PDZRN3: variants seen among roughly 807,000 people sequenced by gnomAD.
PDZRN3 encodes the protein PDZ domain containing ring finger 3.
PDZRN3 carries 38 observed loss-of-function variants against 85.7 expected under a neutral mutation model. That is an observed-to-expected ratio of 0.44 (90% CI 0.34 to 0.58). PDZRN3 has a LOEUF of 0.58. Among genes scored for constraint, PDZRN3 ranks in the 20% least tolerant of loss-of-function variants. The pLI, the probability that PDZRN3 is intolerant of heterozygous loss-of-function variation, is 0.01. For missense variants in PDZRN3, 1,629 were observed against 1,506.4 expected, an observed-to-expected ratio of 1.08 and a Z score of -1.35; for synonymous variants, 759 against 638.0, an observed-to-expected ratio of 1.19 and a Z score of -2.86.
intron 3 of PDZRN3, among the ~76,000 whole-genome samples, chr3:73,555,143 G>A (rs576360049): frequency 6.6e-6 from 1 of 152,256 alleles, no homozygotes; most frequent in South Asian, 2.1e-4. Flanking sequence ...ATCAGAGCCA[G>A]TAATTTTTTT....
chr3:73,542,811 ACT>A (rs1701313455), intron 3 of PDZRN3, among the ~76,000 whole-genome samples: 1 of 151,842 alleles, frequency 6.6e-6, no homozygotes, highest in South Asian at 2.1e-4. Flanking sequence ...AATAAAAAAG[ACT>A]CTCTTGCTGA....
chr3:73,471,725 C>T (rs748325524), intron 3 of PDZRN3, among the ~76,000 whole-genome samples: 3 of 152,250 alleles, frequency 2.0e-5, no homozygotes, highest in Non-Finnish European at 4.4e-5. Flanking sequence ...AGTCCACATC[C>T]TGAAGGCTTG....
chr3:73,584,489 GTGTGTGTGTGTA>G (rs1222516064), intron 3 of PDZRN3, among the ~76,000 whole-genome samples: 3,465 of 24,716 alleles, frequency 0.14, 157 homozygotes, highest in African/African-American at 0.21. Flanking sequence ...GTGTGTGTGT[GTGTGTGTGTGTA>G]TGCATATGCG....
At chr3:73,412,633 G>A (rs1359996272) in intron 3 of PDZRN3, among the ~76,000 whole-genome samples, 1 of 152,218 alleles carries the variant, frequency 6.6e-6, no homozygotes, top group Non-Finnish European at 1.5e-5. Flanking sequence ...TGTAGCACTT[G>A]TGAGCTGTGC....
At chr3:73,582,688 T>C (rs116783839) in intron 3 of PDZRN3, among the ~76,000 whole-genome samples, 1,643 of 152,214 alleles carry the variant, frequency 0.011, 44 homozygotes, top group African/African-American at 0.037. Flanking sequence ...GAGCCAGATA[T>C]GGATTTGGAT....
intron 3 of PDZRN3, among the ~76,000 whole-genome samples, chr3:73,481,347 C>CT (rs1287827472): frequency 6.6e-6 from 1 of 152,134 alleles, no homozygotes; most frequent in Non-Finnish European, 1.5e-5. Context: ...GGGCAGGATT[C>CT]TTTTTTTCTT....
chr3:73,563,180 G>A (rs1470222850), intron 3 of PDZRN3, among the ~76,000 whole-genome samples: 3 of 149,646 alleles, frequency 2.0e-5, no homozygotes, highest in Non-Finnish European at 4.4e-5. Context: ...CACCACGCCC[G>A]GCTATTTTTT....
At chr3:73,539,541 T>C (rs1704865984) in intron 3 of PDZRN3, among the ~76,000 whole-genome samples, 1 of 152,110 alleles carries the variant, frequency 6.6e-6, no homozygotes, top group Non-Finnish European at 1.5e-5. Flanking sequence ...CTTGCCCTTC[T>C]GATGCTCTGA....
chr3:73,470,282 T>C (rs1559696341), intron 3 of PDZRN3, among the ~76,000 whole-genome samples: 1 of 152,198 alleles, frequency 6.6e-6, no homozygotes, highest in African/African-American at 2.4e-5. Context: ...AAATTAAATA[T>C]AGTAAGTGAA....
At chr3:73,590,275 A>AAAG (rs1033065762) in intron 3 of PDZRN3, among the ~76,000 whole-genome samples, 3 of 151,448 alleles carry the variant, frequency 2.0e-5, no homozygotes, top group Admixed American at 2.0e-4. Flanking sequence ...TCTCAAAAAA[A>AAAG]AAAAAAAAAA....
intron 3 of PDZRN3, among the ~76,000 whole-genome samples, chr3:73,465,739 G>C (rs191823163): frequency 8.5e-5 from 13 of 152,328 alleles, no homozygotes; most frequent in Admixed American, 1.3e-4. Flanking sequence ...AAAGGGGTCA[G>C]CCTAAAAAAA....
At chr3:73,467,058 C>T (rs1422929268) in intron 3 of PDZRN3, among the ~76,000 whole-genome samples, 5 of 152,166 alleles carry the variant, frequency 3.3e-5, no homozygotes, top group African/African-American at 1.2e-4. Flanking sequence ...AATCTAGGGA[C>T]TGTCATCAGA....
At chr3:73,564,635 C>T (rs141941923) in intron 3 of PDZRN3, among the ~76,000 whole-genome samples, 89 of 152,310 alleles carry the variant, frequency 5.8e-4, no homozygotes, top group Non-Finnish European at 8.5e-4. Flanking sequence ...CCAGGTCATT[C>T]CTGGTACCAC....
chr3:73,398,576 T>C (rs550164498), intron 5 of PDZRN3, among the ~76,000 whole-genome samples: 1 of 152,040 alleles, frequency 6.6e-6, no homozygotes, highest in Admixed American at 6.6e-5. Context: ...AACAACAGGG[T>C]TCTAGGGAAC....
At chr3:73,595,680 C>T (rs572058560) in intron 3 of PDZRN3, among the ~76,000 whole-genome samples, 1 of 152,052 alleles carries the variant, frequency 6.6e-6, no homozygotes. Flanking sequence ...AAGCAAAGAT[C>T]ACAGATTTAA....
chr3:73,619,089 G>C (rs149258195), intron 1 of PDZRN3, among the ~76,000 whole-genome samples: 63 of 152,244 alleles, frequency 4.1e-4, no homozygotes, highest in African/African-American at 1.4e-3. Context: ...AACTTGATCT[G>C]GGTGGATCTA....
intron 3 of PDZRN3, among the ~76,000 whole-genome samples, chr3:73,545,870 C>T (rs780520302): frequency 1.3e-5 from 2 of 151,806 alleles, no homozygotes; most frequent in African/African-American, 2.4e-5. Flanking sequence ...ACACTTATTG[C>T]GGGGAGGAGG....
chr3:73,480,829 G>T (rs1703548168), intron 3 of PDZRN3, among the ~76,000 whole-genome samples: 1 of 152,118 alleles, frequency 6.6e-6, no homozygotes. Context: ...GCATACTTTG[G>T]CCAAAGACCC....
rs1323592843 is a variant in PDZRN3, at chr3:73,383,512, G to A, written c.3054C>T (p.Leu1018=). The change falls in exon 10 of 10, where the codon CTC becomes CTT. Residue 1018 remains leucine (L), a synonymous_variant. Transcript: ENST00000263666. ...TCATCATCTTTTTGTGGCTCAGTTCGAGAATGTTCATCTCCTTCCTGTCAT... is the reference window on the plus strand; with the variant it reads ...TCATCATCTTTTTGTGGCTCAGTTCAAGAATGTTCATCTCCTTCCTGTCAT... The part of the protein sequence containing the change: ...AADDRKEMNI[L]ELSHKKMMKK... 2 of 1,614,098 alleles carry A rather than the reference G, an allele frequency of 1.2e-6. No individual in the cohort carries two copies. Among genetic ancestry groups the A allele is most frequent in the East Asian group, 2.2e-5 (1 of 44,870 alleles).
Sources: gnomAD v4.1 joint callset for allele counts (sites outside exome capture counted in the v4.1 genomes callset) on GRCh38, gnomAD v4.1.1 for gene constraint, MANE v1.5 for transcripts, NCBI Gene and HGNC (gene_info 2026-07-23, HGNC 2026-07-21) for gene names.